The following RASSF4 variants were observed in gnomAD, a reference collection of about 807,000 sequenced individuals.
The protein encoded by RASSF4 is ras association domain-containing protein 4.
A neutral mutation model predicts 41.1 loss-of-function variants in RASSF4; 38 were observed. That is an observed-to-expected ratio of 0.92 (90% confidence interval 0.71 to 1.21). The LOEUF (loss-of-function observed/expected upper bound fraction) is 1.21, where lower values mean the gene tolerates loss of function less well. Among genes scored for constraint, RASSF4 ranks in the 50% most tolerant of loss-of-function variants. RASSF4 has a pLI of 0.00. For synonymous variants in RASSF4, 179 were observed against 163.4 expected (o/e 1.10, Z -0.73); for missense variants, 414 against 419.4 (o/e 0.99, Z 0.11).
rs368058824 is a variant in RASSF4 at position 44,977,483 on chromosome 10, G to A, written c.139-5038G>A. 5 of 1,612,852 alleles carry A rather than the reference G, an allele frequency of 3.1e-6. No individual in the cohort carries two copies. The African/African-American group carries it at 4.0e-5, about 13-fold the overall frequency. On this transcript the variant is annotated intron_variant, in intron 3 of 10. Coordinates refer to ENST00000340258, the MANE Select transcript of RASSF4 (RefSeq NM_032023.4). ...GTGGCGGGAGGCCATGGCTTGGGCA[G>A]ACTGCCCAAAAGTCCAGCTTCTTAG...
At chr10:44,985,557 G>A (rs974188981) in intron 6 of RASSF4, among the ~76,000 whole-genome samples, 6 of 152,226 alleles carry the variant, frequency 3.9e-5, no homozygotes, top group East Asian at 1.9e-4. Flanking sequence ...TGGATGGAGC[G>A]TCTTGTGACA....
In RASSF4 at chr10:44,993,911, G is replaced by A. The variant is rs1442311484; in HGVS notation, c.*582G>A. On this transcript the variant is annotated 3_prime_UTR_variant, in exon 11 of 11. Coordinates refer to ENST00000340258, the MANE Select transcript of RASSF4 (RefSeq NM_032023.4). ...AACACAGAGGTGAGACCAGGAATAAGGCCACAAGTATCTCACTTTCTCTGC... is the reference window on the plus strand; with the variant it reads ...AACACAGAGGTGAGACCAGGAATAAAGCCACAAGTATCTCACTTTCTCTGC... 6.6e-6 allele frequency: 1 copy of A among 152,490 alleles called. No individual in the cohort carries two copies. Among genetic ancestry groups the A allele is most frequent in the Non-Finnish European group, 1.5e-5 (1 of 68,272 alleles). The allele number at this position is 152,490 out of a possible 1,614,324, so 9.4% of individuals were successfully genotyped here.
At position 44,989,861 on chromosome 10, in the gene RASSF4, T is replaced by TG. The variant is rs1564468103; in HGVS notation, c.685+141dup. ...TTGCCTAGTGGGCTAGGGCACACTG[T>TG]GCCTCCCAGCATGAACATTTCTCCC... On this transcript the variant is annotated intron_variant, in intron 8 of 10. Transcript: ENST00000340258. The TG allele has an allele frequency of 9.4e-5, 70 of 741,024 alleles. No homozygotes were observed. The South Asian group carries it at 1.0e-3, about 11-fold the overall frequency. 45.9% of individuals were successfully genotyped at this position (741,024 alleles called of 1,614,324 possible).
chr10:44,967,385 T>G lies in RASSF4; in HGVS notation c.-38-2780T>G, dbSNP rs1840943567. Among the ~76,000 whole-genome samples the G allele has an allele frequency of 2.6e-5, 4 of 152,052 alleles. No individual in the cohort carries two copies. The South Asian group carries it at 8.3e-4, about 32-fold the overall frequency. On this transcript the variant is annotated intron_variant, in intron 1 of 10. Coordinates refer to ENST00000340258, the MANE Select transcript of RASSF4 (RefSeq NM_032023.4). Reference sequence around the variant, plus strand: ...CCCAGCTAGCTGCAGAGGGCCGGGGTGGTGAGCGACCACACGGGCATTCCA... The same window carrying G: ...CCCAGCTAGCTGCAGAGGGCCGGGGGGGTGAGCGACCACACGGGCATTCCA...
At chr10:44,976,581 G>T (rs1458489671) in intron 3 of RASSF4, 1 of 152,760 alleles carries the variant, frequency 6.5e-6, no homozygotes, top group Non-Finnish European at 1.5e-5. Context: ...GGGTCCTTCA[G>T]ACTCCAGATG....
chr10:44,971,531 G>GC (rs1320263465), intron 2 of RASSF4: 1 of 661,482 alleles, frequency 1.5e-6, no homozygotes, highest in African/African-American at 1.8e-5. Context: ...CCAGACGCAG[G>GC]CCTGTCCCGT....
chr10:44,967,389 G>A (rs1363425268), intron 1 of RASSF4, among the ~76,000 whole-genome samples: 6 of 152,234 alleles, frequency 3.9e-5, no homozygotes, highest in Non-Finnish European at 8.8e-5. Flanking sequence ...CCGGGGTGGT[G>A]AGCGACCACA....
At chr10:44,971,507 C>T in intron 2 of RASSF4, 1 of 638,248 alleles carries the variant, frequency 1.6e-6, no homozygotes, top group East Asian at 3.2e-5. Context: ...TGTCGGCACC[C>T]TGGACATCCT....
At chr10:44,967,658 A>C (rs1442507930) in intron 1 of RASSF4, among the ~76,000 whole-genome samples, 1 of 152,122 alleles carries the variant, frequency 6.6e-6, no homozygotes, top group African/African-American at 2.4e-5. Context: ...ACTTGGAGGG[A>C]GTCTAGAAGC....
In RASSF4 at chr10:44,984,811, AG is replaced by A. The variant is rs779183160; in HGVS notation, c.375del. ...CCATTCTCTCACCCATTTCTCATGCAGGGCCCCTGGAGGAGGCAGAGGAGGC... is the reference window on the plus strand; with the variant it reads ...CCATTCTCTCACCCATTTCTCATGCAGGCCCCTGGAGGAGGCAGAGGAGGC... On this transcript the variant is annotated splice_acceptor_variant, in intron 5 of 10. Transcript: ENST00000340258. LOFTEE classifies it high-confidence loss of function. 2 of 1,613,150 alleles carry A rather than the reference AG, an allele frequency of 1.2e-6. No homozygotes were observed. The highest frequency in any genetic ancestry group is 2.7e-5 in the African/African-American group (2 of 74,926).
intron 1 of RASSF4, among the ~76,000 whole-genome samples, chr10:44,965,114 C>T (rs183341814): frequency 5.9e-5 from 9 of 152,332 alleles, no homozygotes; most frequent in South Asian, 2.1e-4. Flanking sequence ...AAGTCATACA[C>T]ATGTACTTAA....
Position 44,994,501 on chromosome 10 carries a change from T to G in RASSF4, c.*1172T>G, listed in dbSNP as rs1348522957. 6.6e-6 allele frequency: 1 copy of G among 152,444 alleles called. No homozygotes were observed. Among genetic ancestry groups the G allele is most frequent in the East Asian group, 1.9e-4 (1 of 5,194 alleles). The allele number at this position is 152,444 out of a possible 1,614,324, so 9.4% of individuals were successfully genotyped here. ...CATCTCTAATGCATGTAGAAGCTCC[T>G]TACGGGTGCCCATCAAGAGCATAGC... On this transcript the variant is annotated 3_prime_UTR_variant, in exon 11 of 11. Coordinates refer to ENST00000340258, the MANE Select transcript of RASSF4 (RefSeq NM_032023.4).
At chr10:44,963,687 T>C (rs1840795518) in intron 1 of RASSF4, among the ~76,000 whole-genome samples, 1 of 152,216 alleles carries the variant, frequency 6.6e-6, no homozygotes, top group Non-Finnish European at 1.5e-5. Context: ...TCACTTTCGT[T>C]ATGACCTATT....
intron 3 of RASSF4, among the ~76,000 whole-genome samples, chr10:44,980,064 G>A (rs975975212): frequency 2.6e-5 from 4 of 152,166 alleles, no homozygotes; most frequent in African/African-American, 9.7e-5. Context: ...GCCTGCCTGT[G>A]CTGCAGGTGG....
At chr10:44,980,165 C>T (rs1331359917) in intron 3 of RASSF4, among the ~76,000 whole-genome samples, 3 of 152,182 alleles carry the variant, frequency 2.0e-5, no homozygotes, top group African/African-American at 7.2e-5. Flanking sequence ...GAGGGACCGG[C>T]AGTCCCAAGT....
At chr10:44,971,667 G>A in intron 2 of RASSF4, 106 bp from the exon 3 acceptor site, 1 of 884,304 alleles carries the variant, frequency 1.1e-6, no homozygotes, top group Non-Finnish European at 1.9e-6. Flanking sequence ...GAAGGGTGCT[G>A]TCACACTCCT....
At chr10:44,977,784 G>A (rs374920840) in intron 3 of RASSF4, 29 of 1,601,358 alleles carry the variant, frequency 1.8e-5, no homozygotes, top group East Asian at 6.7e-5. Flanking sequence ...GTGATGTCTC[G>A]CAGGGACACA....
At chr10:44,975,463 C>T (rs1365863107) in intron 3 of RASSF4, among the ~76,000 whole-genome samples, 3 of 118,124 alleles carry the variant, frequency 2.5e-5, no homozygotes, top group East Asian at 3.3e-4. Context: ...CCCTCTCCAC[C>T]TCCCACCCCC....
chr10:44,977,187 A>C, intron 3 of RASSF4: 1 of 585,294 alleles, frequency 1.7e-6, no homozygotes. Context: ...GTCAGAGCGA[A>C]CGGGATTGGT....
Sources: gnomAD v4.1 joint callset for allele counts (sites outside exome capture counted in the v4.1 genomes callset) on GRCh38, gnomAD v4.1.1 for gene constraint, MANE v1.5 for transcripts, NCBI Gene and HGNC (gene_info 2026-07-23, HGNC 2026-07-21) for gene names.